PHF21B: variants seen among roughly 807,000 people sequenced by gnomAD.
PHF21B encodes PHD finger protein 21B.
A neutral mutation model predicts 62.2 loss-of-function variants in PHF21B; 22 were observed. The observed-to-expected ratio is 0.35, with a 90% CI of 0.25 to 0.51. The LOEUF is 0.51. Among genes scored for constraint, PHF21B ranks in the 20% least tolerant of loss-of-function variants. PHF21B has a pLI of 0.97. For synonymous variants in PHF21B, 341 were observed against 314.7 expected, an observed-to-expected ratio of 1.08 and a Z score of -0.88; for missense variants, 701 against 707.9, an observed-to-expected ratio of 0.99 and a Z score of 0.11.
At chr22:44,988,939 C>T (rs1247158173) in intron 2 of PHF21B, among the ~76,000 whole-genome samples, 1 of 152,170 alleles carries the variant, frequency 6.6e-6, no homozygotes, top group African/African-American at 2.4e-5. Flanking sequence ...CTGCTGTGTC[C>T]TCACGAAGGC....
chr22:44,958,840 C>T (rs2072358211), intron 2 of PHF21B, among the ~76,000 whole-genome samples: 1 of 151,930 alleles, frequency 6.6e-6, no homozygotes, highest in South Asian at 2.1e-4. Flanking sequence ...GGGGTTTCAC[C>T]ATGTTGGCTA....
intron 2 of PHF21B, among the ~76,000 whole-genome samples, chr22:44,974,716 A>T (rs1367143846): frequency 6.6e-6 from 1 of 152,232 alleles, no homozygotes; most frequent in Non-Finnish European, 1.5e-5. Context: ...CTCTTCAAAC[A>T]GCAGGTATCC....
chr22:45,000,500 G>A (rs2073196094), intron 2 of PHF21B: 1 of 152,166 alleles, frequency 6.6e-6, no homozygotes, highest in Non-Finnish European at 1.5e-5. Context: ...GAAAAACTTG[G>A]TAAATCACAA....
At chr22:44,949,256 G>A (rs950518134) in intron 2 of PHF21B, among the ~76,000 whole-genome samples, 3 of 146,926 alleles carry the variant, frequency 2.0e-5, no homozygotes, top group Non-Finnish European at 1.5e-5. Context: ...AGCCAAGATC[G>A]TGCCATTGCA....
At chr22:44,917,776 G>A (rs1427332413) in intron 3 of PHF21B, among the ~76,000 whole-genome samples, 1 of 152,232 alleles carries the variant, frequency 6.6e-6, no homozygotes, top group Non-Finnish European at 1.5e-5. Flanking sequence ...TGTGGAAGGA[G>A]TGGTCCAGGG....
At chr22:45,005,961 C>G (rs1490119744) in intron 2 of PHF21B, among the ~76,000 whole-genome samples, 1 of 152,214 alleles carries the variant, frequency 6.6e-6, no homozygotes, top group African/African-American at 2.4e-5. Context: ...AACCCTAGTT[C>G]AGCCCAGAGT....
intron 5 of PHF21B, among the ~76,000 whole-genome samples, chr22:44,909,807 T>C (rs2071314765): frequency 6.6e-6 from 1 of 152,264 alleles, no homozygotes; most frequent in Admixed American, 6.5e-5. Context: ...GCAACTCCTC[T>C]ACCCCTGCAG....
rs531720355 is a variant in PHF21B at position 44,895,946 on chromosome 22, A to G, written c.883+86T>C. On this transcript the variant is annotated intron_variant, in intron 6 of 12. Transcript: ENST00000313237. The stretch of plus-strand genomic sequence containing the variant: ...CATATCGGCTGCTGCTGAAGCCCAG[A>G]CCACCCATCATCACACCTGGCCCCC... 3.3e-4 allele frequency: 482 copies of G among 1,450,680 alleles called. No homozygotes were observed. The African/African-American group carries it at 6.2e-3, about 19-fold the overall frequency. 89.9% of individuals were successfully genotyped at this position (1,450,680 alleles called of 1,614,324 possible). A position where few individuals can be genotyped will look rare whatever the true frequency, so the allele number is the denominator to read the frequency against.
At chr22:44,943,667 C>T (rs1037045728) in intron 2 of PHF21B, among the ~76,000 whole-genome samples, 12 of 152,092 alleles carry the variant, frequency 7.9e-5, no homozygotes, top group Non-Finnish European at 1.8e-4. Flanking sequence ...GTTTAGATTT[C>T]GACGGACAGG....
intron 2 of PHF21B, among the ~76,000 whole-genome samples, chr22:45,007,410 C>G (rs1254106205): frequency 6.7e-6 from 1 of 148,420 alleles, no homozygotes; most frequent in South Asian, 2.2e-4. Context: ...TCCGGCGGCC[C>G]GGGCTGGGGT....
At chr22:44,897,846 T>A (rs2071087296) in intron 5 of PHF21B, among the ~76,000 whole-genome samples, 1 of 152,088 alleles carries the variant, frequency 6.6e-6, no homozygotes, top group African/African-American at 2.4e-5. Flanking sequence ...TCTCACTCTG[T>A]CAACCAGGCT....
intron 2 of PHF21B, among the ~76,000 whole-genome samples, chr22:44,962,400 GCCCAGC>G: frequency 6.6e-6 from 1 of 152,322 alleles, no homozygotes; most frequent in Non-Finnish European, 1.5e-5. Flanking sequence ...TCATAGCCTA[GCCCAGC>G]CTAACTTAGT....
chr22:44,984,129 C>T (rs1227695452), intron 2 of PHF21B, among the ~76,000 whole-genome samples: 4 of 856 alleles, frequency 4.7e-3, no homozygotes, highest in Non-Finnish European at 0.011. Flanking sequence ...CCATCACCAT[C>T]ATCATGATCA....
intron 5 of PHF21B, among the ~76,000 whole-genome samples, 192 bp from the exon 6 acceptor site, chr22:44,896,275 A>G (rs2071056120): frequency 6.6e-6 from 1 of 152,216 alleles, no homozygotes; most frequent in Non-Finnish European, 1.5e-5. Flanking sequence ...GAGTATCTAC[A>G]GCTCAATTTG....
intron 2 of PHF21B, among the ~76,000 whole-genome samples, chr22:44,942,666 G>A (rs550421217): frequency 2.0e-5 from 3 of 152,290 alleles, no homozygotes; most frequent in Admixed American, 2.0e-4. Context: ...TCAGAGGAGG[G>A]TGCCCACAGC....
intron 2 of PHF21B, among the ~76,000 whole-genome samples, chr22:44,929,552 G>A (rs1353098255): frequency 6.6e-6 from 1 of 152,170 alleles, no homozygotes; most frequent in Non-Finnish European, 1.5e-5. Context: ...ACCATGGGGA[G>A]GCCAACCCAT....
At chr22:44,933,115 C>CTT (rs35793325) in intron 2 of PHF21B, among the ~76,000 whole-genome samples, 10,924 of 140,924 alleles carry the variant, frequency 0.078, 630 homozygotes, top group African/African-American at 0.14. Flanking sequence ...TCTTCTATTT[C>CTT]TTTTTTTTTT....
Position 45,009,391 on chromosome 22 carries a change from T to A in PHF21B, c.54+105A>T. The stretch of plus-strand genomic sequence containing the variant: ...CCCCGCCCCCGGGCAGGCTCCAGCC[T>A]GGAAGACCCAGAGACCCGGAAGAGA... On this transcript the variant is annotated intron_variant, in intron 1 of 12. Coordinates refer to ENST00000313237, the MANE Select transcript of PHF21B (RefSeq NM_138415.5). The surrounding 1 kb of genome is among the most constrained non-coding windows in gnomAD (Gnocchi z 5.9). 1 of 1,220,072 alleles carries A rather than the reference T, an allele frequency of 8.2e-7. No individual in the cohort carries two copies. The highest frequency in any genetic ancestry group is 1.1e-6 in the Non-Finnish European group (1 of 906,066). 75.6% of individuals were successfully genotyped at this position (1,220,072 alleles called of 1,614,324 possible). A position where few individuals can be genotyped will look rare whatever the true frequency, so the allele number is the denominator to read the frequency against.
Position 44,958,598 on chromosome 22 carries a change from A to ATTTTTTTTTTTT in PHF21B, c.121-38120_121-38109dup, listed in dbSNP as rs59943293. Among the ~76,000 whole-genome samples, 11 of 75,886 alleles carry ATTTTTTTTTTTT rather than the reference A, an allele frequency of 1.4e-4. 1 individual carries two copies. The highest frequency in any genetic ancestry group is 2.8e-4 in the African/African-American group (5 of 17,702). 49.8% of individuals were successfully genotyped at this position (75,886 alleles called of 152,430 possible). The stretch of plus-strand genomic sequence containing the variant: ...AGCTTCATCTTCCAGCCTTCCTTTG[A>ATTTTTTTTTTTT]TTTTTTTTTTTTTTTTTTTTTTTTT... On this transcript the variant is annotated intron_variant, in intron 2 of 12. Transcript: ENST00000313237.
Sources: allele counts gnomAD v4.1 joint callset (sites outside exome capture counted in the v4.1 genomes callset), GRCh38; gene constraint gnomAD v4.1.1; non-coding constraint Gnocchi (gnomAD v3.1); transcripts MANE v1.5; gene names NCBI Gene and HGNC (gene_info 2026-07-23, HGNC 2026-07-21).